Variants in MYO6 observed in about 807,000 individuals in gnomAD.
MYO6 encodes myosin VI, also known as unconventional myosin-VI.
A neutral mutation model predicts 178.7 loss-of-function variants in MYO6; 74 were observed. The observed-to-expected ratio is 0.41, with a 90% CI of 0.34 to 0.50. MYO6 has a LOEUF of 0.50. Ranked by LOEUF, MYO6 falls within the 20% of genes least tolerant of loss-of-function variation. The probability of loss-of-function intolerance (pLI) is 0.09; values close to 1 mark genes in which losing one functional copy is unlikely to be tolerated. For synonymous variants in MYO6, 477 were observed against 504.6 expected (o/e 0.95, Z 0.73); for missense variants, 1,330 against 1,547.4 (o/e 0.86, Z 2.36).
intron 1 of MYO6, among the ~76,000 whole-genome samples, chr6:75,764,113 A>G (rs1237190175): frequency 6.6e-6 from 1 of 152,134 alleles, no homozygotes; most frequent in Non-Finnish European, 1.5e-5. Flanking sequence ...TCGTACCATT[A>G]TAGATCATGG....
chr6:75,855,024 T>G, intron 11 of MYO6, 115 bp from the exon 12 acceptor site: 2 of 923,474 alleles, frequency 2.2e-6, no homozygotes, highest in South Asian at 3.1e-5. Context: ...AAGTTACAAA[T>G]AAGCCTTGCC....
chr6:75,841,403 A>T (rs1202463665), intron 9 of MYO6, 25 bp downstream of exon 9: 4 of 1,608,538 alleles, frequency 2.5e-6, no homozygotes, highest in Non-Finnish European at 3.4e-6. Flanking sequence ...AAGAAATTTC[A>T]TATAGCCAGG....
intron 1 of MYO6, among the ~76,000 whole-genome samples, chr6:75,779,048 CTT>C (rs1251457905): frequency 4.4e-5 from 4 of 90,352 alleles, no homozygotes; most frequent in Non-Finnish European, 5.8e-5. Flanking sequence ...CAGAGTGAGA[CTT>C]TGTCTCAAAA....
In MYO6 at chr6:75,891,216, A is replaced by AT; in HGVS notation, c.2868-6dup. On this transcript the variant is annotated splice_polypyrimidine_tract_variant and intron_variant, in intron 26 of 34. Coordinates refer to ENST00000369977, the MANE Select transcript of MYO6 (RefSeq NM_004999.4). ...CTGTTAAATTTTTGAAGAGTTTTCT[A>AT]TTTTTTATTAGGAAACTTGAGATGG... The AT allele has an allele frequency of 6.3e-7, 1 of 1,575,618 alleles. No homozygotes were observed. Among genetic ancestry groups the AT allele is most frequent in the East Asian group, 2.3e-5 (1 of 44,000 alleles).
rs551913395 is a variant in MYO6 at position 75,915,488 on chromosome 6, A to G, written c.*476A>G. The G allele has an allele frequency of 1.2e-5, 2 of 162,038 alleles. No homozygotes were observed. The highest frequency in any genetic ancestry group is 3.3e-4 in the South Asian group (2 of 6,002). The allele number at this position is 162,038 out of a possible 1,614,324, so 10.0% of individuals were successfully genotyped here. A position where few individuals can be genotyped will look rare whatever the true frequency, so the allele number is the denominator to read the frequency against. On this transcript the variant is annotated 3_prime_UTR_variant, in exon 35 of 35. Transcript: ENST00000369977. The stretch of plus-strand genomic sequence containing the variant: ...GTCTGAAAAGCTGTGTACTTTATAG[A>G]CATTTTCAGACATTTTTGGAAATTT...
intron 30 of MYO6, among the ~76,000 whole-genome samples, chr6:75,899,349 CAAAAG>C (rs1471179115): frequency 6.7e-6 from 1 of 148,528 alleles, no homozygotes; most frequent in Admixed American, 6.7e-5. Context: ...CCTCTTCTTT[CAAAAG>C]AAAAGATAAC....
intron 1 of MYO6, among the ~76,000 whole-genome samples, chr6:75,799,435 G>A (rs1455114150): frequency 1.3e-5 from 2 of 151,154 alleles, no homozygotes; most frequent in African/African-American, 4.9e-5. Context: ...TGATTTATGT[G>A]ACACACCTAG....
chr6:75,860,069 C>T (rs1300761073), intron 14 of MYO6, among the ~76,000 whole-genome samples: 1 of 152,196 alleles, frequency 6.6e-6, no homozygotes, highest in Non-Finnish European at 1.5e-5. Flanking sequence ...CATCCATTGT[C>T]CTGGAGTGCC....
intron 30 of MYO6, among the ~76,000 whole-genome samples, chr6:75,901,625 C>G (rs1300840593): frequency 1.3e-5 from 2 of 152,118 alleles, no homozygotes; most frequent in Non-Finnish European, 2.9e-5. Context: ...AGATTTTGGG[C>G]TGAGACAATG....
chr6:75,767,267 C>G (rs948876902), intron 1 of MYO6, among the ~76,000 whole-genome samples: 1 of 152,102 alleles, frequency 6.6e-6, no homozygotes, highest in Non-Finnish European at 1.5e-5. Context: ...CTCAAGTGAT[C>G]TGCCCATCTT....
intron 3 of MYO6, among the ~76,000 whole-genome samples, chr6:75,824,557 C>T (rs1324254667): frequency 2.6e-5 from 4 of 151,942 alleles, no homozygotes; most frequent in Non-Finnish European, 5.9e-5. Context: ...CTTGCACACA[C>T]ACACACATGC....
intron 2 of MYO6, among the ~76,000 whole-genome samples, chr6:75,818,703 C>G (rs1186924217): frequency 1.3e-5 from 2 of 152,092 alleles, no homozygotes; most frequent in Non-Finnish European, 2.9e-5. Context: ...ACAGAGAAAA[C>G]TATTCTGTTA....
intron 3 of MYO6, among the ~76,000 whole-genome samples, chr6:75,824,034 G>A (rs1240845944): frequency 6.6e-6 from 1 of 152,190 alleles, no homozygotes; most frequent in Non-Finnish European, 1.5e-5. Context: ...AATAAGGAAT[G>A]AGACTGTACC....
chr6:75,759,835 A>G (rs539691553), intron 1 of MYO6, among the ~76,000 whole-genome samples: 1 of 152,322 alleles, frequency 6.6e-6, no homozygotes, highest in African/African-American at 2.4e-5. Context: ...GGAAATTTTG[A>G]TGATCCGTAT....
chr6:75,899,814 C>A (rs1473558057), intron 30 of MYO6, among the ~76,000 whole-genome samples: 2 of 150,218 alleles, frequency 1.3e-5, no homozygotes, highest in Non-Finnish European at 3.0e-5. Flanking sequence ...ATACATGTGC[C>A]ATGCTGGTGC....
chr6:75,856,911 T>C (rs1775765788), intron 12 of MYO6, among the ~76,000 whole-genome samples, 186 bp from the exon 13 acceptor site: 1 of 152,186 alleles, frequency 6.6e-6, no homozygotes, highest in South Asian at 2.1e-4. Flanking sequence ...GATCTAATTT[T>C]AGGTAATTCC....
At chr6:75,816,224 G>C (rs1306773080) in intron 1 of MYO6, among the ~76,000 whole-genome samples, 2 of 152,226 alleles carry the variant, frequency 1.3e-5, no homozygotes, top group African/African-American at 2.4e-5. Context: ...ACAGTTTGTT[G>C]AATGAAAGAA....
chr6:75,873,455 A>G (rs1777310552), intron 20 of MYO6, among the ~76,000 whole-genome samples, 155 bp downstream of exon 20: 1 of 152,248 alleles, frequency 6.6e-6, no homozygotes, highest in African/African-American at 2.4e-5. Context: ...AGAAAAGTAT[A>G]GAGCCACATG....
rs370918008 is a variant in MYO6 at position 75,870,729 on chromosome 6, A to G, written c.1983+44A>G. 87 of 1,499,948 alleles carry G rather than the reference A, an allele frequency of 5.8e-5. No individual in the cohort carries two copies. The African/African-American group carries it at 1.1e-3, about 18-fold the overall frequency. 92.9% of individuals were successfully genotyped at this position (1,499,948 alleles called of 1,614,324 possible). On this transcript the variant is annotated intron_variant, in intron 19 of 34. Transcript: ENST00000369977. ...AAAACAGGTTTTTATGGGTCATCTA[A>G]AACTATTATTAGTAATTATGCAAGT...
Sources: allele counts gnomAD v4.1 joint callset (sites outside exome capture counted in the v4.1 genomes callset), GRCh38; gene constraint gnomAD v4.1.1; transcripts MANE v1.5; gene names NCBI Gene and HGNC (gene_info 2026-07-23, HGNC 2026-07-21).